VOPP1: variants seen among roughly 807,000 people sequenced by gnomAD.
The protein encoded by VOPP1 is WW domain binding protein VOPP1.
A neutral mutation model predicts 23.5 loss-of-function variants in VOPP1; 8 were observed. The ratio of observed to expected loss-of-function variants is 0.34; its 90% CI spans 0.20 to 0.61. VOPP1 has a LOEUF of 0.61. VOPP1 is among the 20% of genes least tolerant of loss of function. The probability of loss-of-function intolerance (pLI) is 0.78; values close to 1 mark genes in which losing one functional copy is unlikely to be tolerated. For missense variants in VOPP1, 174 were observed against 238.1 expected (o/e 0.73, Z 1.77); for synonymous variants, 83 against 97.3 (o/e 0.85, Z 0.86).
chr7:55,503,810 T>C (rs1794530323), intron 2 of VOPP1, among the ~76,000 whole-genome samples: 1 of 152,218 alleles, frequency 6.6e-6, no homozygotes, highest in South Asian at 2.1e-4. Flanking sequence ...ACACCAGAGC[T>C]GACGGAACCT....
chr7:55,559,945 G>A (rs751548426), intron 1 of VOPP1, among the ~76,000 whole-genome samples: 35 of 152,180 alleles, frequency 2.3e-4, no homozygotes, highest in Non-Finnish European at 3.2e-4. Context: ...CTGAGGTCAG[G>A]AGTTCCAGAC....
chr7:55,545,271 A>T (rs1797316450), intron 1 of VOPP1, among the ~76,000 whole-genome samples: 1 of 152,234 alleles, frequency 6.6e-6, no homozygotes, highest in Admixed American at 6.5e-5. Flanking sequence ...CTATTTCTTT[A>T]AAGGGGCACA....
At chr7:55,547,629 C>T (rs1359858698) in intron 1 of VOPP1, among the ~76,000 whole-genome samples, 2 of 152,120 alleles carry the variant, frequency 1.3e-5, no homozygotes, top group African/African-American at 2.4e-5. Flanking sequence ...TGGGAATGAT[C>T]GTCTCCTACT....
At chr7:55,564,243 G>GTCTCTCTGTCTCTCTCTC (rs1554302407) in intron 1 of VOPP1, among the ~76,000 whole-genome samples, 1 of 125,896 alleles carries the variant, frequency 7.9e-6, no homozygotes, top group Non-Finnish European at 1.6e-5. Context: ...CTCTGTCTCT[G>GTCTCTCTGTCTCTCTCTC]TCTCTCTCTC....
At chr7:55,537,875 C>T (rs1482740686) in intron 1 of VOPP1, among the ~76,000 whole-genome samples, 1 of 152,220 alleles carries the variant, frequency 6.6e-6, no homozygotes, top group African/African-American at 2.4e-5. Context: ...TCATTCTCCC[C>T]CAAACCACTT....
intron 2 of VOPP1, among the ~76,000 whole-genome samples, chr7:55,502,794 C>T (rs984394414): frequency 4.6e-5 from 7 of 152,178 alleles, no homozygotes; most frequent in African/African-American, 1.4e-4. Flanking sequence ...GGCAATGCTG[C>T]TCCCAAGGAC....
At chr7:55,539,940 C>G (rs1369534054) in intron 1 of VOPP1, among the ~76,000 whole-genome samples, 3 of 148,516 alleles carry the variant, frequency 2.0e-5, no homozygotes, top group East Asian at 3.9e-4. Context: ...CACACACACA[C>G]AGCCTCCCAA....
At chr7:55,447,400 A>C (rs1791128588) in intron 4 of VOPP1, among the ~76,000 whole-genome samples, 1 of 152,214 alleles carries the variant, frequency 6.6e-6, no homozygotes, top group Admixed American at 6.5e-5. Flanking sequence ...AAATGTAAGG[A>C]GGACTCTGGT....
At chr7:55,563,758 C>T (rs1798063439) in intron 1 of VOPP1, among the ~76,000 whole-genome samples, 1 of 152,218 alleles carries the variant, frequency 6.6e-6, no homozygotes, top group South Asian at 2.1e-4. Flanking sequence ...TGTAACATCA[C>T]ACTGGCACTC....
At chr7:55,488,375 G>A (rs942302406) in intron 4 of VOPP1, among the ~76,000 whole-genome samples, 8 of 152,070 alleles carry the variant, frequency 5.3e-5, no homozygotes, top group Admixed American at 2.0e-4. Flanking sequence ...TGCACAACCC[G>A]GCCAGGCCCT....
At chr7:55,565,763 G>T (rs1424053050) in intron 1 of VOPP1, among the ~76,000 whole-genome samples, 1 of 10,692 alleles carries the variant, frequency 9.4e-5, no homozygotes, top group Non-Finnish European at 5.3e-4. Context: ...GTGGGAGGAC[G>T]CACTAGTATA....
chr7:55,443,608 G>A (rs1346369477), intron 4 of VOPP1, among the ~76,000 whole-genome samples: 7 of 151,394 alleles, frequency 4.6e-5, no homozygotes, highest in Non-Finnish European at 1.0e-4. Flanking sequence ...TGTAAATACT[G>A]GTTGGATCTG....
chr7:55,447,375 G>A (rs1256256541), intron 4 of VOPP1, among the ~76,000 whole-genome samples: 1 of 152,170 alleles, frequency 6.6e-6, no homozygotes, highest in East Asian at 1.9e-4. Context: ...GGTGCGTAAG[G>A]TTTGCTCACT....
intron 1 of VOPP1, among the ~76,000 whole-genome samples, chr7:55,542,016 T>A (rs1364901472): frequency 6.6e-6 from 1 of 152,164 alleles, no homozygotes; most frequent in Non-Finnish European, 1.5e-5. Flanking sequence ...TGTGACTCTA[T>A]CAAAAATTAA....
chr7:55,541,217 T>C (rs575114102), intron 1 of VOPP1, among the ~76,000 whole-genome samples: 3 of 152,302 alleles, frequency 2.0e-5, no homozygotes, highest in African/African-American at 7.2e-5. Context: ...TATGAAAAAC[T>C]TCAGAATTGT....
intron 1 of VOPP1, among the ~76,000 whole-genome samples, chr7:55,538,410 G>T (rs1796934891): frequency 6.6e-6 from 1 of 152,126 alleles, no homozygotes; most frequent in South Asian, 2.1e-4. Flanking sequence ...TTCTTGAAAT[G>T]AACAATGTTT....
intron 2 of VOPP1, among the ~76,000 whole-genome samples, chr7:55,519,633 T>C (rs1435873858): frequency 1.3e-5 from 2 of 152,186 alleles, no homozygotes; most frequent in African/African-American, 2.4e-5. Context: ...GCCCAAGTCC[T>C]TATGCTGCTG....
At chr7:55,564,231 C>CTCTCTGTCTCTG (rs1158303294) in intron 1 of VOPP1, among the ~76,000 whole-genome samples, 38 of 139,446 alleles carry the variant, frequency 2.7e-4, no homozygotes, top group African/African-American at 1.0e-3. Flanking sequence ...CACACTCTTT[C>CTCTCTGTCTCTG]TCTCTGTCTC....
chr7:55,506,940 C>T (rs1408583303), intron 2 of VOPP1, among the ~76,000 whole-genome samples: 1 of 152,176 alleles, frequency 6.6e-6, no homozygotes, highest in African/African-American at 2.4e-5. Flanking sequence ...CTGTGCCCGG[C>T]CCCACAAGCT....
Sources: allele counts gnomAD v4.1 joint callset (sites outside exome capture counted in the v4.1 genomes callset), GRCh38; gene constraint gnomAD v4.1.1; transcripts MANE v1.5; gene names NCBI Gene and HGNC (gene_info 2026-07-23, HGNC 2026-07-21).